INPP5B: variants seen among roughly 807,000 people sequenced by gnomAD.
INPP5B encodes the protein type II inositol 1,4,5-trisphosphate 5-phosphatase.
Under a neutral mutation model 118.5 loss-of-function variants are expected in INPP5B, and 90 were observed. That is an observed-to-expected ratio of 0.76 (90% CI 0.64 to 0.90). The LOEUF is 0.90. INPP5B is among the 40% of genes least tolerant of loss of function. The pLI, the probability that INPP5B is intolerant of heterozygous loss-of-function variation, is 0.00. For missense variants in INPP5B, 984 were observed against 1,125.6 expected (o/e 0.87, Z 1.80); for synonymous variants, 385 against 418.9 (o/e 0.92, Z 0.99).
intron 12 of INPP5B, among the ~76,000 whole-genome samples, chr1:37,886,447 T>C (rs1411710869): frequency 6.6e-6 from 1 of 152,130 alleles, no homozygotes; most frequent in Non-Finnish European, 1.5e-5. Context: ...CTTAATCCAG[T>C]GTTCTTTTCA....
chr1:37,943,241 T>C (rs1012914303), intron 5 of INPP5B, among the ~76,000 whole-genome samples: 4 of 151,998 alleles, frequency 2.6e-5, no homozygotes, highest in African/African-American at 7.2e-5. Flanking sequence ...CTCGTGATCT[T>C]GGCCCCCCCA....
At chr1:37,924,983 G>A (rs777741879) in intron 7 of INPP5B, among the ~76,000 whole-genome samples, 135 of 152,160 alleles carry the variant, frequency 8.9e-4, no homozygotes, top group Non-Finnish European at 3.5e-4. Flanking sequence ...AGATCAGCCT[G>A]GCCAACATGT....
intron 7 of INPP5B, among the ~76,000 whole-genome samples, chr1:37,892,802 C>G (rs186195446): frequency 5.3e-5 from 8 of 152,196 alleles, no homozygotes; most frequent in Admixed American, 5.2e-4. Context: ...GGAGTTGGGG[C>G]CTTTAGGTGT....
intron 7 of INPP5B, among the ~76,000 whole-genome samples, chr1:37,906,632 G>A (rs1321208462): frequency 6.6e-6 from 1 of 152,042 alleles, no homozygotes; most frequent in Non-Finnish European, 1.5e-5. Flanking sequence ...GAGGTGGGTG[G>A]ATCACTTGAG....
chr1:37,888,312 T>C lies in INPP5B; in HGVS notation c.830A>G (p.Gln277Arg). The C allele has an allele frequency of 6.4e-7, 1 of 1,571,416 alleles. No individual in the cohort carries two copies. ...FFAGTYNVNGQSPKECLRLWL... is the reference protein window; with the variant it reads ...FFAGTYNVNGRSPKECLRLWL... ...CAGCCGGAGGCATTCTTTGGGGGAC[T>C]GCCCATTTACATTGTATGTTCCCGC... Residue 277 changes from glutamine to arginine, a missense_variant, in exon 10 of 24, where the codon CAG (glutamine) becomes CGG (arginine). Physicochemically the swap from Gln to Arg is conservative, Grantham distance 43. This residue lies in a region of INPP5B where 634 missense variants were observed against 791.0 expected (regional missense o/e 0.80). Transcript: ENST00000373024.
At chr1:37,882,731 G>C (rs1260612545) in intron 14 of INPP5B, 76 bp downstream of exon 14, 6 of 1,142,902 alleles carry the variant, frequency 5.2e-6, no homozygotes, top group Non-Finnish European at 7.8e-6. Context: ...GAGGCTGCGA[G>C]TTTGGAAGCC....
intron 7 of INPP5B, among the ~76,000 whole-genome samples, chr1:37,900,277 A>T (rs1294441405): frequency 6.9e-6 from 1 of 145,168 alleles, no homozygotes; most frequent in Non-Finnish European, 1.5e-5. Context: ...TTTTTTTGAG[A>T]CAGAGTCTCT....
At chr1:37,903,319 C>A (rs1644395333) in intron 7 of INPP5B, among the ~76,000 whole-genome samples, 1 of 152,234 alleles carries the variant, frequency 6.6e-6, no homozygotes, top group South Asian at 2.1e-4. Context: ...TACACTCTCA[C>A]CAGCGCCATG....
At chr1:37,921,267 G>A (rs913076101) in intron 7 of INPP5B, among the ~76,000 whole-genome samples, 7 of 152,058 alleles carry the variant, frequency 4.6e-5, no homozygotes, top group South Asian at 2.1e-4. Context: ...GACTTCAAAC[G>A]CCATGTAGAG....
At chr1:37,902,943 A>G (rs1644382574) in intron 7 of INPP5B, among the ~76,000 whole-genome samples, 1 of 151,926 alleles carries the variant, frequency 6.6e-6, no homozygotes, top group South Asian at 2.1e-4. Flanking sequence ...TGATTGTATC[A>G]CTGCATTCCA....
intron 7 of INPP5B, among the ~76,000 whole-genome samples, chr1:37,898,230 A>G (rs1382541466): frequency 6.6e-6 from 1 of 152,198 alleles, no homozygotes. Context: ...ACAAAACTAT[A>G]GAGACGGTAA....
chr1:37,878,145 A>G (rs760692666), intron 16 of INPP5B, 43 bp downstream of exon 16: 1 of 1,601,132 alleles, frequency 6.2e-7, no homozygotes, highest in East Asian at 2.3e-5. Flanking sequence ...GTGAAAGCCA[A>G]TTCCCTCCAG....
At chr1:37,862,943 T>TG (rs1457386240) in intron 23 of INPP5B, among the ~76,000 whole-genome samples, 1 of 152,152 alleles carries the variant, frequency 6.6e-6, no homozygotes, top group Non-Finnish European at 1.5e-5. Flanking sequence ...TGGCTGAGGT[T>TG]GGGGGGTTGT....
chr1:37,882,593 A>G (rs1042744838), intron 14 of INPP5B, among the ~76,000 whole-genome samples: 1 of 152,222 alleles, frequency 6.6e-6, no homozygotes, highest in African/African-American at 2.4e-5. Flanking sequence ...TCTTGCTCCC[A>G]CAGGAGACAA....
intron 7 of INPP5B, among the ~76,000 whole-genome samples, chr1:37,905,706 T>C (rs1379051311): frequency 6.6e-6 from 1 of 152,232 alleles, no homozygotes; most frequent in Non-Finnish European, 1.5e-5. Context: ...CTAATAACTT[T>C]GGAGACTGTG....
chr1:37,919,400 A>G (rs1644978297), intron 7 of INPP5B, among the ~76,000 whole-genome samples: 1 of 152,204 alleles, frequency 6.6e-6, no homozygotes, highest in African/African-American at 2.4e-5. Flanking sequence ...TGTGCTTCAG[A>G]ATACCTGACA....
intron 3 of INPP5B, among the ~76,000 whole-genome samples, chr1:37,944,807 G>T (rs953416939): frequency 4.0e-5 from 6 of 150,662 alleles, no homozygotes; most frequent in Admixed American, 6.6e-5. Flanking sequence ...GGGTAGGGGG[G>T]GCGGTCTCGC....
Position 37,866,443 on chromosome 1 carries a change from A to ACACACAC in INPP5B, c.2386+15_2386+16insGTGTGTG, listed in dbSNP as rs755734420. On this transcript the variant is annotated intron_variant, in intron 21 of 23. Transcript: ENST00000373024. ...ACACACACACACACACACAGAGCTG[A>ACACACAC]ATGTCTGAAGGATACAGAGGTTATC... is the stretch of plus-strand genomic sequence containing the variant. 26 of 1,091,280 alleles carry ACACACAC rather than the reference A, an allele frequency of 2.4e-5. No individual in the cohort carries two copies. The African/African-American group carries it at 3.5e-4, about 15-fold the overall frequency. The allele number at this position is 1,091,280 out of a possible 1,614,324, so 67.6% of individuals were successfully genotyped here.
At position 37,940,549 on chromosome 1, in the gene INPP5B, C is replaced by A. The variant is rs1020356226; in HGVS notation, c.391+139G>T. The A allele has an allele frequency of 6.7e-6, 4 of 600,360 alleles. No homozygotes were observed. In the East Asian group the frequency reaches 1.1e-4, roughly 17 times the overall value. The allele number at this position is 600,360 out of a possible 1,614,324, so 37.2% of individuals were successfully genotyped here. ...CCATGGTTGGCTGGCAGCCTGGGGGCACTATGGCTTTACACCAGCAGCTTC... is the reference window on the plus strand; with the variant it reads ...CCATGGTTGGCTGGCAGCCTGGGGGAACTATGGCTTTACACCAGCAGCTTC... On this transcript the variant is annotated intron_variant, in intron 6 of 23. Coordinates refer to ENST00000373024, the MANE Select transcript of INPP5B (RefSeq NM_005540.3).
Sources: gnomAD v4.1 joint callset for allele counts (sites outside exome capture counted in the v4.1 genomes callset) on GRCh38, gnomAD v4.1.1 for gene constraint, gnomAD v4.1.1 regional missense constraint, MANE v1.5 for transcripts, NCBI Gene and HGNC (gene_info 2026-07-23, HGNC 2026-07-21) for gene names.